Variants in ATP13A4 observed in about 807,000 individuals in gnomAD.
ATP13A4 encodes the protein ATPase 13A4, also known as probable cation-transporting ATPase 13A4.
Under a neutral mutation model 142.5 loss-of-function variants are expected in ATP13A4, and 114 were observed. The observed-to-expected ratio is 0.80, with a 90% CI of 0.69 to 0.93. ATP13A4 has a LOEUF of 0.93. ATP13A4 is among the 40% of genes least tolerant of loss of function. The probability of loss-of-function intolerance (pLI) is 0.00; values close to 1 mark genes in which losing one functional copy is unlikely to be tolerated. For synonymous variants in ATP13A4, 488 were observed against 514.8 expected, an observed-to-expected ratio of 0.95 and a Z score of 0.70; for missense variants, 1,392 against 1,454.0, an observed-to-expected ratio of 0.96 and a Z score of 0.69.
At chr3:193,406,127 C>T (rs1714478376) in intron 29 of ATP13A4, among the ~76,000 whole-genome samples, 1 of 152,212 alleles carries the variant, frequency 6.6e-6, no homozygotes, top group African/African-American at 2.4e-5. Context: ...GAATCAGACA[C>T]ACTGCGGGTA....
In ATP13A4 at chr3:193,580,001, A is replaced by G. The variant is rs994854141; in HGVS notation, n.291+1706T>C. 3.3e-5 allele frequency among the ~76,000 whole-genome samples: 5 copies of G among 152,278 alleles called. No homozygotes were observed. The East Asian group carries it at 5.8e-4, about 18-fold the overall frequency. ...CATATCCTTCCAGTATTTCTTCCCC[A>G]TTCTTTCTGCTTGTCTAAATCTCAC... On this transcript the variant is annotated intron_variant and non_coding_transcript_variant, in intron 2 of 3. Coordinates refer to the ATP13A4 transcript ENST00000489140.
intron 26 of ATP13A4, among the ~76,000 whole-genome samples, chr3:193,414,245 T>C (rs1714930423): frequency 6.6e-6 from 1 of 152,236 alleles, no homozygotes; most frequent in Admixed American, 6.5e-5. Flanking sequence ...AAGATGTTAA[T>C]AATTTCACTG....
rs866332354 is a variant in ATP13A4 at position 193,441,501 on chromosome 3, C to A, written c.2404G>T (p.Val802Phe). Residue 802 changes from valine to phenylalanine, a missense_variant, in exon 20 of 30, where the codon GTT becomes TTT. Coordinates refer to ENST00000342695, the MANE Select transcript of ATP13A4 (RefSeq NM_032279.4). ...HFALTGKSFH[V>F]ISQHFSSLLP... The stretch of plus-strand genomic sequence containing the variant: ...AGGCTGCTGAAATGTTGACTTATAA[C>A]ATGAAAGGATTTTCCAGTTAGGGCA... The A allele has an allele frequency of 1.2e-6, 2 of 1,613,716 alleles. No individual in the cohort carries two copies. Among genetic ancestry groups the A allele is most frequent in the African/African-American group, 2.7e-5 (2 of 74,916 alleles).
At chr3:193,588,641 C>T (rs1164852508) in intron 1 of ATP13A4, among the ~76,000 whole-genome samples, 7 of 152,156 alleles carry the variant, frequency 4.6e-5, no homozygotes, top group African/African-American at 1.7e-4. Flanking sequence ...ACAAATTCAT[C>T]CTTTTCTGTT....
chr3:193,417,173 C>CA (rs1715107686), intron 25 of ATP13A4: 1 of 152,144 alleles, frequency 6.6e-6, no homozygotes, highest in Admixed American at 6.5e-5. Context: ...CCCAGATAAA[C>CA]AGAAGCTGAA....
intron 6 of ATP13A4, among the ~76,000 whole-genome samples, chr3:193,490,092 C>G (rs1460144987): frequency 6.6e-6 from 1 of 152,186 alleles, no homozygotes; most frequent in Non-Finnish European, 1.5e-5. Context: ...TGTTACTTAT[C>G]TCCTTTGTAA....
chr3:193,513,454 A>G (rs1721242454), intron 2 of ATP13A4, among the ~76,000 whole-genome samples: 1 of 152,222 alleles, frequency 6.6e-6, no homozygotes, highest in Admixed American at 6.5e-5. Flanking sequence ...CAACTAGAAG[A>G]GAGTCCTCTA....
At chr3:193,455,409 A>T (rs1181208877) in intron 16 of ATP13A4, among the ~76,000 whole-genome samples, 2 of 152,078 alleles carry the variant, frequency 1.3e-5, no homozygotes, top group African/African-American at 4.8e-5. Flanking sequence ...CGTACATAAG[A>T]CCAACAATCA....
intron 21 of ATP13A4, 101 bp from the exon 22 acceptor site, chr3:193,439,166 CATTATTT>C: frequency 7.9e-7 from 1 of 1,262,880 alleles, no homozygotes; most frequent in Non-Finnish European, 1.2e-6. Flanking sequence ...GGTTCAAACT[CATTATTT>C]AAGGGAATTT....
intron 29 of ATP13A4, chr3:193,404,151 G>A (rs758093367): frequency 4.0e-5 from 39 of 985,198 alleles, no homozygotes; most frequent in Non-Finnish European, 4.5e-5. Context: ...CGTGAAAACA[G>A]TAGTTCTTCT....
intron 1 of ATP13A4, among the ~76,000 whole-genome samples, chr3:193,529,037 T>C (rs1722167730): frequency 1.3e-5 from 2 of 152,200 alleles, no homozygotes; most frequent in East Asian, 1.9e-4. Context: ...TTTGGGAGGC[T>C]GAGGTGGGCA....
At position 193,417,765 on chromosome 3, in the gene ATP13A4, C is replaced by T. The variant is rs1715146809; in HGVS notation, c.2843-3015G>A. Among the ~76,000 whole-genome samples, 2 of 138,210 alleles carry T rather than the reference C, an allele frequency of 1.4e-5. 1 individual carries two copies. The highest frequency in any genetic ancestry group is 3.1e-5 in the Non-Finnish European group (2 of 65,142). 90.7% of individuals were successfully genotyped at this position (138,210 alleles called of 152,430 possible). On this transcript the variant is annotated intron_variant, in intron 25 of 29. Transcript: ENST00000342695. ...CTTCGGGAGGCCGAGGCAGGTGGAT[C>T]ACGAGGTCAGGAGATCGAGACCATC... is the stretch of plus-strand genomic sequence containing the variant.
intron 12 of ATP13A4, among the ~76,000 whole-genome samples, chr3:193,464,605 TACAGCAGTGACG>T (rs1233462381): frequency 6.6e-6 from 1 of 152,200 alleles, no homozygotes. Flanking sequence ...GCATCAAGGA[TACAGCAGTGACG>T]ATAGCAAAGG....
intron 25 of ATP13A4, among the ~76,000 whole-genome samples, chr3:193,415,553 G>C: frequency 6.6e-6 from 1 of 152,134 alleles, no homozygotes; most frequent in Non-Finnish European, 1.5e-5. Context: ...GGGAGACCCT[G>C]GTCCCTGGTT....
chr3:193,488,402 A>C (rs1719758873), intron 7 of ATP13A4, among the ~76,000 whole-genome samples: 1 of 152,238 alleles, frequency 6.6e-6, no homozygotes, highest in African/African-American at 2.4e-5. Context: ...ATGTATCTTG[A>C]AACAGGACCT....
rs1714294459 is a variant in ATP13A4, at chr3:193,402,380, T to C, written c.*272A>G. 2 of 441,808 alleles carry C rather than the reference T, an allele frequency of 4.5e-6. No homozygotes were observed. The highest frequency in any genetic ancestry group is 4.0e-5 in the African/African-American group (2 of 50,258). The allele number at this position is 441,808 out of a possible 1,614,324, so 27.4% of individuals were successfully genotyped here. A position where few individuals can be genotyped will look rare whatever the true frequency, so the allele number is the denominator to read the frequency against. On this transcript the variant is annotated 3_prime_UTR_variant, in exon 30 of 30. Transcript: ENST00000342695. ...CACATATTTTTCCCCTTTAGCCTGC[T>C]TGTCTCTTGGCCCATAGAAATTCTT...
chr3:193,581,466 A>C (rs141289098), intron 2 of ATP13A4, among the ~76,000 whole-genome samples: 219 of 152,292 alleles, frequency 1.4e-3, no homozygotes, highest in Admixed American at 2.5e-3. Context: ...GCGCAATAGC[A>C]CCTCATTATA....
intron 25 of ATP13A4, among the ~76,000 whole-genome samples, chr3:193,429,643 C>G (rs1230259619): frequency 6.6e-6 from 1 of 151,796 alleles, no homozygotes; most frequent in Non-Finnish European, 1.5e-5. Context: ...GGAGTTATTG[C>G]TTTAATGGAT....
intron 3 of ATP13A4, among the ~76,000 whole-genome samples, chr3:193,497,315 A>G (rs1294024166): frequency 6.6e-6 from 1 of 152,228 alleles, no homozygotes; most frequent in African/African-American, 2.4e-5. Context: ...ATAAATGAAA[A>G]CATGCTCAAC....
Sources: gnomAD v4.1 joint callset for allele counts (sites outside exome capture counted in the v4.1 genomes callset) on GRCh38, gnomAD v4.1.1 for gene constraint, MANE v1.5 for transcripts, NCBI Gene and HGNC (gene_info 2026-07-23, HGNC 2026-07-21) for gene names.